Variants in PCDHA8 observed in about 807,000 individuals in gnomAD.
PCDHA8 encodes the protein protocadherin alpha-8.
PCDHA8 carries 53 observed loss-of-function variants against 61.8 expected under a neutral mutation model. The ratio of observed to expected loss-of-function variants is 0.86; its 90% CI spans 0.69 to 1.08. The LOEUF is 1.08. PCDHA8 is among the 50% of genes least tolerant of loss of function. PCDHA8 has a pLI of 0.00. For synonymous variants in PCDHA8, 618 were observed against 556.6 expected (o/e 1.11, Z -1.55); for missense variants, 1,293 against 1,245.0 (o/e 1.04, Z -0.58).
At position 140,929,021 on chromosome 5, in the gene PCDHA8, G is replaced by C. The variant is rs782118774; in HGVS notation, c.2395-49928G>C. On this transcript the variant is annotated intron_variant, in intron 1 of 3. Coordinates refer to ENST00000531613, the MANE Select transcript of PCDHA8 (RefSeq NM_018911.3). ...TTCGTGTGTACCAAGTTGCACCAGA[G>C]CCCAGGCTGTTGCGCTCAGAGCTGC... is the stretch of plus-strand genomic sequence containing the variant. The C allele has an allele frequency of 2.5e-6, 4 of 1,614,072 alleles. No individual in the cohort carries two copies. The African/African-American group carries it at 5.3e-5, about 22-fold the overall frequency.
At chr5:140,948,857 T>C (rs1554218731) in intron 1 of PCDHA8, among the ~76,000 whole-genome samples, 2 of 151,686 alleles carry the variant, frequency 1.3e-5, no homozygotes. Flanking sequence ...TGCCTTCTTA[T>C]ATTACTTCGG....
At chr5:140,861,404 G>A in intron 1 of PCDHA8, 2 of 468,962 alleles carry the variant, frequency 4.3e-6, no homozygotes, top group East Asian at 5.7e-5. Flanking sequence ...AGCTTGTGGA[G>A]CTGATACCGC....
rs1554178111 is a variant in PCDHA8 at position 140,883,417 on chromosome 5, A to G, written c.2394+39702A>G. On this transcript the variant is annotated intron_variant, in intron 1 of 3. Transcript: ENST00000531613. Reference sequence around the variant, plus strand: ...CCGATCGTGACTCTGGCTCAAATGGACAGGTCACCTGCACCTTGACGCCGC... The same window carrying G: ...CCGATCGTGACTCTGGCTCAAATGGGCAGGTCACCTGCACCTTGACGCCGC... 3.1e-6 allele frequency: 5 copies of G among 1,614,146 alleles called. No homozygotes were observed. The South Asian group carries it at 5.5e-5, about 18-fold the overall frequency.
chr5:140,882,868 G>A (rs1283664390), intron 1 of PCDHA8: 25 of 1,614,184 alleles, frequency 1.5e-5, no homozygotes, highest in Middle Eastern at 1.6e-4. Context: ...GGAAAACACT[G>A]GACAGAGAGG....
chr5:140,951,183 G>A (rs1554219780), intron 1 of PCDHA8, among the ~76,000 whole-genome samples: 3 of 151,518 alleles, frequency 2.0e-5, no homozygotes, highest in Admixed American at 6.6e-5. Flanking sequence ...GTCATTGTCC[G>A]CTAATTCCCA....
chr5:140,963,207 CCT>C (rs1246984290), intron 1 of PCDHA8, among the ~76,000 whole-genome samples: 4 of 148,438 alleles, frequency 2.7e-5, no homozygotes, highest in East Asian at 1.9e-4. Flanking sequence ...AAAAAAAAAA[CCT>C]CGTGTTTAGA....
At chr5:140,928,074 C>T (rs781992001) in intron 1 of PCDHA8, 1 of 1,614,216 alleles carries the variant, frequency 6.2e-7, no homozygotes, top group Admixed American at 1.7e-5. Flanking sequence ...TTGACAACTA[C>T]TACAGCCTGC....
intron 3 of PCDHA8, among the ~76,000 whole-genome samples, chr5:140,985,770 C>T (rs1456292041): frequency 1.5e-5 from 2 of 132,222 alleles, no homozygotes; most frequent in African/African-American, 2.8e-5. Flanking sequence ...GAGACAGTCT[C>T]GCTCTGTCGC....
At chr5:140,883,932 T>A (rs1554180637) in intron 1 of PCDHA8, 2 of 1,613,418 alleles carry the variant, frequency 1.2e-6, no homozygotes. Context: ...CAGGTGTTCG[T>A]GCTGGACGAG....
rs2153432469 is a variant in PCDHA8, at chr5:140,890,949, A to C, written c.2394+47234A>C. On this transcript the variant is annotated intron_variant, in intron 1 of 3. Transcript: ENST00000531613. The stretch of plus-strand genomic sequence containing the variant: ...CTTTAGTCCAAAGATGCTGGTGAGG[A>C]ATGATTTCAGGTTTTGTTTTTCTGA... 2.0e-5 allele frequency among the ~76,000 whole-genome samples: 3 copies of C among 152,248 alleles called. No individual in the cohort carries two copies. The South Asian group carries it at 6.2e-4, about 32-fold the overall frequency.
Position 140,857,539 on chromosome 5 carries a change from G to A in PCDHA8, c.2394+13824G>A, listed in dbSNP as rs782469087. The A allele has an allele frequency of 1.3e-5, 20 of 1,597,384 alleles. 1 individual carries two copies. Among genetic ancestry groups the A allele is most frequent in the Non-Finnish European group, 1.7e-5 (20 of 1,167,720 alleles). ...TGTCCTACTCTCTGGTGGAGCGGCG[G>A]TTGGGCGAGCGCTCGCTGTCGAGCT... On this transcript the variant is annotated intron_variant, in intron 1 of 3. Coordinates refer to ENST00000531613, the MANE Select transcript of PCDHA8 (RefSeq NM_018911.3).
intron 1 of PCDHA8, among the ~76,000 whole-genome samples, chr5:140,918,323 T>C (rs1554198562): frequency 7.2e-5 from 11 of 152,184 alleles, no homozygotes. Flanking sequence ...TATAAAATTA[T>C]ATTGTCTGCT....
At chr5:140,975,978 A>T (rs964939685) in intron 1 of PCDHA8, among the ~76,000 whole-genome samples, 1 of 152,142 alleles carries the variant, frequency 6.6e-6, no homozygotes, top group African/African-American at 2.4e-5. Context: ...AAGTAAGCAT[A>T]GTCCTGGGAG....
chr5:140,984,505 TGATGCATGAGTCACA>T (rs2097106604), intron 3 of PCDHA8, among the ~76,000 whole-genome samples: 1 of 152,206 alleles, frequency 6.6e-6, no homozygotes, highest in African/African-American at 2.4e-5. Context: ...GCCTGGCTGC[TGATGCATGAGTCACA>T]GTCTTCATGG....
At chr5:140,847,461 C>T (rs1781028892) in intron 1 of PCDHA8, 1 of 149,664 alleles carries the variant, frequency 6.7e-6, no homozygotes, top group South Asian at 2.1e-4. Context: ...TTTAATTAAT[C>T]GACTTGGACG....
Position 140,841,535 on chromosome 5 carries a change from C to CG in PCDHA8, c.217dup (p.Asp73GlyfsTer55). On this transcript the variant is annotated frameshift_variant, in exon 1 of 4. Transcript: ENST00000531613. LOFTEE classifies it high-confidence loss of function. Reference sequence around the variant, plus strand: ...GTTCCGGGTGGCGTCCAAAAGACACCGGGACCTTCTGGAGGTAAGTCTGCA... The same window carrying CG: ...GTTCCGGGTGGCGTCCAAAAGACACCGGGGACCTTCTGGAGGTAAGTCTGCA... The CG allele has an allele frequency of 6.2e-7, 1 of 1,613,664 alleles. No homozygotes were observed. Among genetic ancestry groups the CG allele is most frequent in the Non-Finnish European group, 8.5e-7 (1 of 1,179,976 alleles).
At chr5:140,931,405 G>C (rs1395168165) in intron 1 of PCDHA8, among the ~76,000 whole-genome samples, 1 of 151,984 alleles carries the variant, frequency 6.6e-6, no homozygotes, top group South Asian at 2.1e-4. Flanking sequence ...CGATAGGAAG[G>C]CTGATGAATC....
chr5:140,871,160 C>A, intron 1 of PCDHA8: 1 of 1,613,470 alleles, frequency 6.2e-7, no homozygotes, highest in Non-Finnish European at 8.5e-7. Context: ...GCGGGCGCCG[C>A]GAGCCCAGAG....
chr5:140,993,397 T>C (rs2097553822), intron 3 of PCDHA8, among the ~76,000 whole-genome samples: 2 of 151,682 alleles, frequency 1.3e-5, no homozygotes, highest in Admixed American at 1.3e-4. Context: ...ACTCCATCAT[T>C]AACCACCTTC....
Sources: gnomAD v4.1 joint callset for allele counts (sites outside exome capture counted in the v4.1 genomes callset) on GRCh38, gnomAD v4.1.1 for gene constraint, MANE v1.5 for transcripts, NCBI Gene and HGNC (gene_info 2026-07-23, HGNC 2026-07-21) for gene names.